Variants in TMEM65 observed in about 807,000 individuals in gnomAD.
TMEM65 encodes transmembrane protein 65.
Under a neutral mutation model 25.4 loss-of-function variants are expected in TMEM65, and 22 were observed. The ratio of observed to expected loss-of-function variants is 0.86; its 90% confidence interval spans 0.62 to 1.23. TMEM65 has a LOEUF of 1.23. Ranked by LOEUF, TMEM65 falls within the 50% of genes most tolerant of loss-of-function variation. TMEM65 has a pLI of 0.00. For synonymous variants in TMEM65, 132 were observed against 126.2 expected, an observed-to-expected ratio of 1.05 and a Z score of -0.31; for missense variants, 262 against 308.2, an observed-to-expected ratio of 0.85 and a Z score of 1.12.
intron 2 of TMEM65, among the ~76,000 whole-genome samples, chr8:124,329,615 T>C (rs1270905709): frequency 6.6e-6 from 1 of 151,962 alleles, no homozygotes; most frequent in Admixed American, 6.6e-5. Flanking sequence ...TGTTTATACC[T>C]ATATAAATAT....
intron 1 of TMEM65, among the ~76,000 whole-genome samples, chr8:124,332,833 TCA>T (rs1814448506): frequency 6.6e-6 from 1 of 152,084 alleles, no homozygotes; most frequent in Non-Finnish European, 1.5e-5. Flanking sequence ...AGATGGAGTC[TCA>T]CTCTGTCTCT....
chr8:124,361,902 T>A (rs1298014233), intron 1 of TMEM65, among the ~76,000 whole-genome samples: 1 of 151,174 alleles, frequency 6.6e-6, no homozygotes, highest in Non-Finnish European at 1.5e-5. Context: ...TTTTGGAGGG[T>A]TTTTTGAGAT....
At chr8:124,363,350 T>C (rs1042095360) in intron 1 of TMEM65, among the ~76,000 whole-genome samples, 3 of 152,232 alleles carry the variant, frequency 2.0e-5, no homozygotes, top group Non-Finnish European at 4.4e-5. Flanking sequence ...TGTGTCTTGG[T>C]ATGTTATCAG....
rs1814123384 is a variant in TMEM65, at chr8:124,308,749, C to A, written c.*5211G>T. 6.6e-6 allele frequency: 1 copy of A among 152,064 alleles called. No individual in the cohort carries two copies. Among genetic ancestry groups the A allele is most frequent in the African/African-American group, 2.4e-5 (1 of 41,390 alleles). The allele number at this position is 152,064 out of a possible 1,614,324, so 9.4% of individuals were successfully genotyped here. ...TTAGAAGCAGTGCCAGAAAACAAAT[C>A]AACATTAGACAATCTGGTAGAAGTG... is the stretch of plus-strand genomic sequence containing the variant. On this transcript the variant is annotated 3_prime_UTR_variant, in exon 7 of 7. Transcript: ENST00000297632.
intron 5 of TMEM65, 27 bp downstream of exon 5, chr8:124,322,078 T>C (rs1004228473): frequency 1.9e-6 from 3 of 1,573,750 alleles, no homozygotes; most frequent in African/African-American, 2.7e-5. Context: ...GTACAGAATA[T>C]ACAAATGAAT....
chr8:124,306,399 G>C lies in TMEM65; in HGVS notation c.*7561C>G, dbSNP rs1468045503. On this transcript the variant is annotated 3_prime_UTR_variant, in exon 7 of 7. Transcript: ENST00000297632. ...TGTGATAAACTGCAGAAATGGTGGA[G>C]AATGACACTGGAAGTCATAAAGTTG... 6.6e-6 allele frequency: 1 copy of C among 152,148 alleles called. No individual in the cohort carries two copies. The allele number at this position is 152,148 out of a possible 1,614,324, so 9.4% of individuals were successfully genotyped here. A position where few individuals can be genotyped will look rare whatever the true frequency, so the allele number is the denominator to read the frequency against.
rs965135856 is a variant in TMEM65 at position 124,306,269 on chromosome 8, G to A, written c.*7691C>T. The A allele has an allele frequency of 6.6e-6, 1 of 152,152 alleles. No individual in the cohort carries two copies. The highest frequency in any genetic ancestry group is 2.4e-5 in the African/African-American group (1 of 41,432). The allele number at this position is 152,152 out of a possible 1,614,324, so 9.4% of individuals were successfully genotyped here. A position where few individuals can be genotyped will look rare whatever the true frequency, so the allele number is the denominator to read the frequency against. ...GTTTCTTTGGTAGTTGGTAGACAAAGAATACATATACATATTCTATTTCCC... is the reference window on the plus strand; with the variant it reads ...GTTTCTTTGGTAGTTGGTAGACAAAAAATACATATACATATTCTATTTCCC... On this transcript the variant is annotated 3_prime_UTR_variant, in exon 7 of 7. Coordinates refer to ENST00000297632, the MANE Select transcript of TMEM65 (RefSeq NM_194291.3).
At chr8:124,318,381 T>TTTTTTTTTTTTTTGTTTTTTTTTTG (rs1814265527) in intron 6 of TMEM65, among the ~76,000 whole-genome samples, 1 of 129,370 alleles carries the variant, frequency 7.7e-6, no homozygotes, top group African/African-American at 3.0e-5. Context: ...TTTTTTTTTT[T>TTTTTTTTTTTTTTGTTTTTTTTTTG]TTTTTTTTTT....
chr8:124,366,747 T>TTGATTAA (rs1814944634), intron 1 of TMEM65, among the ~76,000 whole-genome samples: 2 of 78,508 alleles, frequency 2.5e-5, no homozygotes, highest in African/African-American at 9.9e-5. Context: ...TACTTGATTA[T>TTGATTAA]CTGTCTTCTA....
chr8:124,363,910 A>AGTAG (rs1223865075), intron 1 of TMEM65, among the ~76,000 whole-genome samples: 1 of 150,450 alleles, frequency 6.6e-6, no homozygotes, highest in African/African-American at 2.4e-5. Flanking sequence ...CCACTTAGCC[A>AGTAG]GTAGGTAATC....
intron 1 of TMEM65, among the ~76,000 whole-genome samples, chr8:124,361,000 T>C (rs988211378): frequency 6.6e-6 from 1 of 152,232 alleles, no homozygotes; most frequent in East Asian, 1.9e-4. Flanking sequence ...AGGTTAAGTA[T>C]ACTTAGATCT....
intron 1 of TMEM65, among the ~76,000 whole-genome samples, chr8:124,339,686 A>AT (rs1814562395): frequency 6.6e-6 from 1 of 151,944 alleles, no homozygotes; most frequent in African/African-American, 2.4e-5. Flanking sequence ...TTATTTGAGC[A>AT]TTTTTTACTA....
At chr8:124,333,090 C>A (rs1814454870) in intron 1 of TMEM65, among the ~76,000 whole-genome samples, 1 of 151,860 alleles carries the variant, frequency 6.6e-6, no homozygotes. Flanking sequence ...GCGTGAGCCA[C>A]CATGCCCAGC....
chr8:124,328,589 T>C (rs990293177), intron 2 of TMEM65, among the ~76,000 whole-genome samples: 3 of 152,248 alleles, frequency 2.0e-5, no homozygotes, highest in Non-Finnish European at 4.4e-5. Flanking sequence ...ATTGGGAGAA[T>C]TGAAGGCAGA....
rs753010893 is a variant in TMEM65 at position 124,327,330 on chromosome 8, GA to G, written c.417+23del. The G allele has an allele frequency of 3.9e-6, 6 of 1,528,624 alleles. No homozygotes were observed. The South Asian group carries it at 7.1e-5, about 18-fold the overall frequency. 94.7% of individuals were successfully genotyped at this position (1,528,624 alleles called of 1,614,324 possible). On this transcript the variant is annotated intron_variant, in intron 3 of 6. Coordinates refer to ENST00000297632, the MANE Select transcript of TMEM65 (RefSeq NM_194291.3). ...CACATTAATTTATGAACTCAAAATA[GA>G]AGCAGTGAGAGAAAGAACTTACAGC... is the stretch of plus-strand genomic sequence containing the variant.
At chr8:124,363,346 T>C (rs541942505) in intron 1 of TMEM65, among the ~76,000 whole-genome samples, 23 of 152,358 alleles carry the variant, frequency 1.5e-4, no homozygotes, top group African/African-American at 5.5e-4. Flanking sequence ...CTGGTGTGTC[T>C]TGGTATGTTA....
chr8:124,315,314 G>GTT (rs66799463), intron 6 of TMEM65, among the ~76,000 whole-genome samples: 1 of 149,510 alleles, frequency 6.7e-6, no homozygotes, highest in African/African-American at 2.5e-5. Flanking sequence ...ATATCCTACA[G>GTT]TTTTTTTTTT....
In TMEM65 at chr8:124,372,083, C is replaced by CGCGGCG. The variant is rs1198503799; in HGVS notation, c.69_74dup (p.Ala24_Ala25dup). 2.7e-6 allele frequency: 3 copies of CGCGGCG among 1,121,028 alleles called. No individual in the cohort carries two copies. The highest frequency in any genetic ancestry group is 3.3e-6 in the Non-Finnish European group (3 of 919,226). The allele number at this position is 1,121,028 out of a possible 1,614,324, so 69.4% of individuals were successfully genotyped here. ...AGCAGCACCAGGACGGCGGGCGGGG[C>CGCGGCG]GCGGCGGCGGCGGCCGGGCCCGGCC... On this transcript the variant is annotated inframe_insertion, in exon 1 of 7. Coordinates refer to ENST00000297632, the MANE Select transcript of TMEM65 (RefSeq NM_194291.3).
intron 1 of TMEM65, among the ~76,000 whole-genome samples, chr8:124,367,456 G>C (rs1023891866): frequency 6.6e-6 from 1 of 152,136 alleles, no homozygotes; most frequent in Non-Finnish European, 1.5e-5. Context: ...CTGGGCAACA[G>C]AGTGAGACTC....
Sources: gnomAD v4.1 joint callset for allele counts (sites outside exome capture counted in the v4.1 genomes callset) on GRCh38, gnomAD v4.1.1 for gene constraint, MANE v1.5 for transcripts, NCBI Gene and HGNC (gene_info 2026-07-23, HGNC 2026-07-21) for gene names.